Variants in PCDHGB4 observed in about 807,000 individuals in gnomAD.
PCDHGB4 encodes the protein protocadherin gamma-B4.
In PCDHGB4, 38 loss-of-function variants were observed where a neutral mutation model predicts 60.5. That is an observed-to-expected ratio of 0.63 (90% CI 0.48 to 0.82). PCDHGB4 has a LOEUF of 0.82. PCDHGB4 is among the 40% of genes least tolerant of loss of function. The pLI, the probability that PCDHGB4 is intolerant of heterozygous loss-of-function variation, is 0.00. For missense variants in PCDHGB4, 1,109 were observed against 1,209.6 expected, an observed-to-expected ratio of 0.92 and a Z score of 1.23; for synonymous variants, 456 against 509.7, an observed-to-expected ratio of 0.89 and a Z score of 1.42.
In PCDHGB4 at chr5:141,389,834, A is replaced by G; in HGVS notation, c.1950A>G (p.Pro650=). 1.2e-6 allele frequency: 2 copies of G among 1,613,988 alleles called. No individual in the cohort carries two copies. Among genetic ancestry groups the G allele is most frequent in the Non-Finnish European group, 1.7e-6 (2 of 1,179,898 alleles). The change falls in exon 1 of 4, where the codon CCA becomes CCG. Residue 650 remains proline (P), a synonymous_variant. Coordinates refer to ENST00000519479, the MANE Select transcript of PCDHGB4 (RefSeq NM_003736.4). ...LLVAVRDGGQ[P]PLSATATLHL... is the part of the protein sequence containing the mutation. Reference sequence around the variant, plus strand: ...TCGCCGTGCGTGACGGTGGACAGCCACCACTCTCGGCCACTGCCACGTTGC... The same window carrying G: ...TCGCCGTGCGTGACGGTGGACAGCCGCCACTCTCGGCCACTGCCACGTTGC...
rs752011641 is a variant in PCDHGB4 at position 141,490,299 on chromosome 5, C to T, written c.2398-4508C>T. 1.2e-6 allele frequency: 2 copies of T among 1,614,068 alleles called. No homozygotes were observed. Among genetic ancestry groups the T allele is most frequent in the East Asian group, 2.2e-5 (1 of 44,896 alleles). Reference sequence around the variant, plus strand: ...ACAATGCCCCAGAGGTGCTATTGGCCTCTTTGGCCAACCCTGTCCTAGAGA... The same window carrying T: ...ACAATGCCCCAGAGGTGCTATTGGCTTCTTTGGCCAACCCTGTCCTAGAGA... On this transcript the variant is annotated intron_variant, in intron 1 of 3. Coordinates refer to ENST00000519479, the MANE Select transcript of PCDHGB4 (RefSeq NM_003736.4). The surrounding 1 kb of genome is among the most constrained non-coding windows in gnomAD (Gnocchi z 5.4).
intron 1 of PCDHGB4, among the ~76,000 whole-genome samples, chr5:141,471,039 A>G (rs1175460270): frequency 7.2e-6 from 1 of 137,964 alleles, no homozygotes; most frequent in Non-Finnish European, 1.5e-5. Context: ...TAACAAGCCC[A>G]AGCCCTCTTT....
At position 141,398,657 on chromosome 5, in the gene PCDHGB4, G is replaced by A. The variant is rs776950213; in HGVS notation, c.2397+8376G>A. 3.1e-6 allele frequency: 5 copies of A among 1,614,018 alleles called. No individual in the cohort carries two copies. In the South Asian group the frequency reaches 5.5e-5, roughly 18 times the overall value. On this transcript the variant is annotated intron_variant, in intron 1 of 3. Transcript: ENST00000519479. ...AAGTATAAACTCTCTCTTAACCCAA[G>A]TTTCTCATTAATAATTAAGGAGAAA...
At chr5:141,461,273 C>A (rs1301916233) in intron 1 of PCDHGB4, among the ~76,000 whole-genome samples, 1 of 152,128 alleles carries the variant, frequency 6.6e-6, no homozygotes, top group Admixed American at 6.6e-5. Flanking sequence ...TAAGTGTTCT[C>A]TTTTCCCCAC....
intron 1 of PCDHGB4, among the ~76,000 whole-genome samples, chr5:141,445,078 G>T (rs1591839605): frequency 6.6e-6 from 1 of 152,208 alleles, no homozygotes; most frequent in East Asian, 1.9e-4. Flanking sequence ...TCATTAAATT[G>T]TCCCTACATA....
chr5:141,405,797 T>C (rs1589594153), intron 1 of PCDHGB4, among the ~76,000 whole-genome samples: 1 of 148,508 alleles, frequency 6.7e-6, no homozygotes, highest in Non-Finnish European at 1.5e-5. Flanking sequence ...CTATTATAGT[T>C]AGCTTTCTCT....
chr5:141,431,227 C>G lies in PCDHGB4; in HGVS notation c.2397+40946C>G. ...CTGAGATGCGGTTCCCTCTACCCCA[C>G]GCCTGGGATCCGGATATCGGGAAGA... On this transcript the variant is annotated intron_variant, in intron 1 of 3. Coordinates refer to ENST00000519479, the MANE Select transcript of PCDHGB4 (RefSeq NM_003736.4). This position sits in a 1 kb window ranked among gnomAD's most constrained non-coding sequence, Gnocchi z 4.8. 6.2e-7 allele frequency: 1 copy of G among 1,614,180 alleles called. No individual in the cohort carries two copies. Among genetic ancestry groups the G allele is most frequent in the Non-Finnish European group, 8.5e-7 (1 of 1,180,042 alleles).
Position 141,387,783 on chromosome 5 carries a change from C to A in PCDHGB4, c.-102C>A. The stretch of plus-strand genomic sequence containing the variant: ...AGAAGAATTTTTTCTTGAACTGGAA[C>A]TGCAACTAAAGTCCGTTCGGAGATC... On this transcript the variant is annotated 5_prime_UTR_variant, in exon 1 of 4. It adds an upstream start codon to the 5' untranslated region. Coordinates refer to ENST00000519479, the MANE Select transcript of PCDHGB4 (RefSeq NM_003736.4). 1 of 1,467,932 alleles carries A rather than the reference C, an allele frequency of 6.8e-7. No individual in the cohort carries two copies. Among genetic ancestry groups the A allele is most frequent in the Non-Finnish European group, 9.1e-7 (1 of 1,101,908 alleles). The allele number at this position is 1,467,932 out of a possible 1,614,324, so 90.9% of individuals were successfully genotyped here.
intron 1 of PCDHGB4, among the ~76,000 whole-genome samples, chr5:141,480,959 C>A (rs1476891394): frequency 1.3e-5 from 2 of 152,086 alleles, no homozygotes; most frequent in East Asian, 3.8e-4. Flanking sequence ...GCGGAAGCAT[C>A]AGTGAGGGAG....
intron 1 of PCDHGB4, chr5:141,405,091 C>G (rs761186505): frequency 8.1e-6 from 13 of 1,613,814 alleles, no homozygotes; most frequent in Non-Finnish European, 1.1e-5. Flanking sequence ...CGCTGCTGGC[C>G]CTCAGGCTGA....
chr5:141,505,960 G>A (rs2099849410), intron 3 of PCDHGB4, among the ~76,000 whole-genome samples: 1 of 152,202 alleles, frequency 6.6e-6, no homozygotes, highest in Non-Finnish European at 1.5e-5. Context: ...AGTGGGTGTA[G>A]AAATCCCCAG....
intron 1 of PCDHGB4, chr5:141,478,694 T>G: frequency 1.3e-6 from 2 of 1,550,598 alleles, no homozygotes; most frequent in Non-Finnish European, 1.7e-6. Context: ...TAGATCAAAG[T>G]TAGTGCCTTT....
At chr5:141,464,618 C>G (rs1425657373) in intron 1 of PCDHGB4, among the ~76,000 whole-genome samples, 2 of 152,092 alleles carry the variant, frequency 1.3e-5, no homozygotes, top group Non-Finnish European at 2.9e-5. Context: ...AGTATATTGT[C>G]AAGCTTTTTA....
In PCDHGB4 at chr5:141,494,850, G is replaced by C. The variant is rs2099757124; in HGVS notation, c.2441G>C (p.Arg814Thr). 1.2e-6 allele frequency: 2 copies of C among 1,614,124 alleles called. No individual in the cohort carries two copies. The highest frequency in any genetic ancestry group is 1.7e-6 in the Non-Finnish European group (2 of 1,180,018). Reference protein sequence around the residue: ...NTDWRFSQAQRPGTSGSQNGD... With the variant: ...NTDWRFSQAQTPGTSGSQNGD... ...GACTGGCGTTTCTCTCAGGCCCAGA[G>C]ACCCGGCACCAGCGGGTAGGTGACT... is the stretch of plus-strand genomic sequence containing the variant. The change falls in exon 2 of 4, where the codon AGA becomes ACA. Residue 814 changes from arginine to threonine, a missense_variant. Physicochemically the swap from Arg to Thr is moderately conservative, Grantham distance 71. This residue lies in a region of PCDHGB4 where 1,068 missense variants were observed against 1,089.9 expected (regional missense o/e 0.98). Transcript: ENST00000519479.
rs182945836 is a variant in PCDHGB4, at chr5:141,387,739, C to T, written c.-146C>T. On this transcript the variant is annotated 5_prime_UTR_variant, in exon 1 of 4. Coordinates refer to ENST00000519479, the MANE Select transcript of PCDHGB4 (RefSeq NM_003736.4). ...AGACTCCCCAGCGCCAGCCTTTACA[C>T]CGCTTCCTCCTCGGAAAAAGAAGAA... is the stretch of plus-strand genomic sequence containing the variant. The T allele has an allele frequency of 7.5e-7, 1 of 1,328,598 alleles. No homozygotes were observed. The highest frequency in any genetic ancestry group is 2.5e-5 in the East Asian group (1 of 39,638). The allele number at this position is 1,328,598 out of a possible 1,614,324, so 82.3% of individuals were successfully genotyped here.
chr5:141,427,726 T>G (rs2097061742), intron 1 of PCDHGB4: 1 of 1,155,034 alleles, frequency 8.7e-7, no homozygotes, highest in Non-Finnish European at 1.3e-6. Context: ...GACCTAGGGC[T>G]GAATGGCCAA....
intron 1 of PCDHGB4, chr5:141,430,643 T>C (rs1432236231): frequency 2.1e-6 from 2 of 947,068 alleles, no homozygotes; most frequent in Non-Finnish European, 3.0e-6. Context: ...CCTGGGAGTA[T>C]GTGGAAACAA....
Position 141,389,853 on chromosome 5 carries a change from A to G in PCDHGB4, c.1969A>G (p.Thr657Ala). 6.2e-7 allele frequency: 1 copy of G among 1,614,050 alleles called. No individual in the cohort carries two copies. The highest frequency in any genetic ancestry group is 1.1e-5 in the South Asian group (1 of 91,084). The change falls in exon 1 of 4, where the codon ACG (threonine) becomes GCG (alanine). Residue 657 changes from threonine to alanine, a missense_variant. This residue lies in a region of PCDHGB4 where 1,068 missense variants were observed against 1,089.9 expected (regional missense o/e 0.98). Transcript: ENST00000519479. ...GGQPPLSATA[T>A]LHLVFADSLQ... Reference sequence around the variant, plus strand: ...ACAGCCACCACTCTCGGCCACTGCCACGTTGCACCTGGTCTTCGCCGACAG... The same window carrying G: ...ACAGCCACCACTCTCGGCCACTGCCGCGTTGCACCTGGTCTTCGCCGACAG...
intron 1 of PCDHGB4, chr5:141,421,694 C>G (rs2096592726): frequency 6.2e-7 from 1 of 1,613,936 alleles, no homozygotes. Flanking sequence ...TTTGCTCTTC[C>G]TAATGCTAGG....
Sources: allele counts gnomAD v4.1 joint callset (sites outside exome capture counted in the v4.1 genomes callset), GRCh38; gene constraint gnomAD v4.1.1; regional missense constraint gnomAD v4.1.1; non-coding constraint Gnocchi (gnomAD v3.1); transcripts MANE v1.5; gene names NCBI Gene and HGNC (gene_info 2026-07-23, HGNC 2026-07-21).